The following GRIA1 variants were observed in gnomAD, a reference collection of about 807,000 sequenced individuals.
GRIA1 encodes the protein glutamate receptor 1.
In GRIA1, 31 loss-of-function variants were observed where a neutral mutation model predicts 99.2. That is an observed-to-expected ratio of 0.31 (90% confidence interval 0.23 to 0.42). The LOEUF (loss-of-function observed/expected upper bound fraction) is 0.42. GRIA1 is among the 10% of genes least tolerant of loss of function. GRIA1 has a pLI of 1.00. For missense variants in GRIA1, 782 were observed against 1,157.5 expected, an observed-to-expected ratio of 0.68 and a Z score of 4.71; for synonymous variants, 438 against 432.4, an observed-to-expected ratio of 1.01 and a Z score of -0.16.
chr5:153,498,782 T>TA (rs1754685493), intron 2 of GRIA1, among the ~76,000 whole-genome samples: 1 of 152,200 alleles, frequency 6.6e-6, no homozygotes, highest in Non-Finnish European at 1.5e-5. Flanking sequence ...CATTCCTGCT[T>TA]AACTTCTATT....
chr5:153,749,980 C>T (rs1163233765), intron 11 of GRIA1, among the ~76,000 whole-genome samples: 1 of 152,134 alleles, frequency 6.6e-6, no homozygotes, highest in African/African-American at 2.4e-5. Flanking sequence ...CTGAGACTCA[C>T]CCCCAGAGTC....
intron 11 of GRIA1, among the ~76,000 whole-genome samples, chr5:153,751,697 T>A (rs186977484): frequency 1.9e-4 from 29 of 152,344 alleles, no homozygotes; most frequent in Non-Finnish European, 3.8e-4. Context: ...AGGCCTGCAA[T>A]GAATCCTAAT....
intron 2 of GRIA1, among the ~76,000 whole-genome samples, chr5:153,641,597 A>G (rs1753782887): frequency 6.6e-6 from 1 of 152,174 alleles, no homozygotes; most frequent in African/African-American, 2.4e-5. Context: ...GGCCCTCAGA[A>G]TCTGACACTC....
intron 13 of GRIA1, 96 bp downstream of exon 13, chr5:153,770,511 T>C (rs1219944453): frequency 9.3e-6 from 11 of 1,178,788 alleles, no homozygotes; most frequent in Non-Finnish European, 1.4e-5. Flanking sequence ...AATGCCACAA[T>C]GCAAGCTGTT....
At position 153,650,473 on chromosome 5, in the gene GRIA1, G is replaced by C; in HGVS notation, c.604G>C (p.Val202Leu). Residue 202 changes from valine to leucine, a missense_variant, in exon 4 of 16, where the codon GTG (valine) becomes CTG (leucine). Coordinates refer to ENST00000285900, the MANE Select transcript of GRIA1 (RefSeq NM_000827.4). ...GAAGAAAAAGGAGCGGCTGGTGGTG[G>C]TGGACTGTGAATCAGAACGCCTCAA... ...LEKKKERLVV[V>L]DCESERLNAI... The C allele has an allele frequency of 6.2e-7, 1 of 1,613,960 alleles. No individual in the cohort carries two copies. Among genetic ancestry groups the C allele is most frequent in the Non-Finnish European group, 8.5e-7 (1 of 1,179,928 alleles).
chr5:153,509,816 C>T (rs545723106), intron 2 of GRIA1, among the ~76,000 whole-genome samples: 14 of 152,186 alleles, frequency 9.2e-5, no homozygotes, highest in African/African-American at 1.9e-4. Context: ...AGTAAGTACC[C>T]GATAAATGAG....
At chr5:153,714,583 T>A (rs1457278709) in intron 11 of GRIA1, among the ~76,000 whole-genome samples, 1 of 152,226 alleles carries the variant, frequency 6.6e-6, no homozygotes, top group African/African-American at 2.4e-5. Context: ...GTTTTTCTTT[T>A]AAACCCTCAC....
chr5:153,736,111 C>T (rs1194208733), intron 11 of GRIA1, among the ~76,000 whole-genome samples: 1 of 152,038 alleles, frequency 6.6e-6, no homozygotes, highest in African/African-American at 2.4e-5. Flanking sequence ...AGCCCTGAGC[C>T]CTTGAACACT....
chr5:153,739,337 A>C (rs1761618979), intron 11 of GRIA1, among the ~76,000 whole-genome samples: 1 of 152,192 alleles, frequency 6.6e-6, no homozygotes, highest in Non-Finnish European at 1.5e-5. Context: ...GCCAGCATCC[A>C]AACTTTCTGT....
chr5:153,753,312 A>T (rs1252401989), intron 11 of GRIA1, among the ~76,000 whole-genome samples: 1 of 152,246 alleles, frequency 6.6e-6, no homozygotes, highest in Non-Finnish European at 1.5e-5. Context: ...AAATCCAATT[A>T]TATCAGATAT....
chr5:153,725,235 C>T (rs1760423615), intron 11 of GRIA1, among the ~76,000 whole-genome samples: 1 of 151,688 alleles, frequency 6.6e-6, no homozygotes, highest in Non-Finnish European at 1.5e-5. Flanking sequence ...CCTAAAAGAG[C>T]TCCTGAAGGA....
intron 2 of GRIA1, among the ~76,000 whole-genome samples, chr5:153,558,702 T>A (rs1359165036): frequency 6.6e-6 from 1 of 152,232 alleles, no homozygotes. Flanking sequence ...TAAATATTCA[T>A]ACATAGTTTT....
chr5:153,514,846 T>A (rs1756459478), intron 2 of GRIA1, among the ~76,000 whole-genome samples: 2 of 152,188 alleles, frequency 1.3e-5, no homozygotes, highest in East Asian at 3.9e-4. Context: ...ACAACAGATA[T>A]ATAAAAAAAT....
intron 2 of GRIA1, among the ~76,000 whole-genome samples, chr5:153,634,486 A>G (rs1753209490): frequency 6.6e-6 from 1 of 152,108 alleles, no homozygotes; most frequent in Non-Finnish European, 1.5e-5. Flanking sequence ...TCAAGGCAAG[A>G]AAGTCGGGAC....
At chr5:153,717,258 G>A (rs143044533) in intron 11 of GRIA1, among the ~76,000 whole-genome samples, 53 of 152,254 alleles carry the variant, frequency 3.5e-4, no homozygotes, top group African/African-American at 1.2e-3. Context: ...GGAAAAATTC[G>A]TGTGGGCTAA....
chr5:153,711,633 C>T (rs1391755659), intron 11 of GRIA1, among the ~76,000 whole-genome samples: 1 of 152,146 alleles, frequency 6.6e-6, no homozygotes, highest in Non-Finnish European at 1.5e-5. Flanking sequence ...CCAGGCGATA[C>T]CTATGGCTGA....
intron 5 of GRIA1, among the ~76,000 whole-genome samples, chr5:153,664,065 T>C (rs1755568648): frequency 6.6e-6 from 1 of 152,176 alleles, no homozygotes; most frequent in Non-Finnish European, 1.5e-5. Flanking sequence ...AGCACTAATT[T>C]TGGCAGATGG....
chr5:153,699,549 C>T (rs1453602300), intron 10 of GRIA1, among the ~76,000 whole-genome samples: 1 of 152,216 alleles, frequency 6.6e-6, no homozygotes, highest in Non-Finnish European at 1.5e-5. Flanking sequence ...CTTCCACTCT[C>T]CACCCCTAAG....
intron 12 of GRIA1, among the ~76,000 whole-genome samples, chr5:153,766,281 A>G (rs1273788117): frequency 6.6e-6 from 1 of 152,154 alleles, no homozygotes; most frequent in African/African-American, 2.4e-5. Flanking sequence ...GCCACTTACA[A>G]TCTCATTACA....
Sources: gnomAD v4.1 joint callset for allele counts (sites outside exome capture counted in the v4.1 genomes callset) on GRCh38, gnomAD v4.1.1 for gene constraint, MANE v1.5 for transcripts, NCBI Gene and HGNC (gene_info 2026-07-23, HGNC 2026-07-21) for gene names.